The following SHROOM2 variants were observed in gnomAD, a reference collection of about 807,000 sequenced individuals.
SHROOM2 encodes protein Shroom2.
SHROOM2 carries 33 observed loss-of-function variants against 75.9 expected under a neutral mutation model. The observed-to-expected ratio is 0.43, with a 90% CI of 0.33 to 0.58. The LOEUF is 0.58. Among genes scored for constraint, SHROOM2 ranks in the 20% least tolerant of loss-of-function variants. The pLI, the probability that SHROOM2 is intolerant of heterozygous loss-of-function variation, is 0.04. For missense variants in SHROOM2, 1,434 were observed against 1,461.2 expected (o/e 0.98, Z 0.30); for synonymous variants, 655 against 663.6 (o/e 0.99, Z 0.20).
chrX:9,910,042 C>G (rs1391308260), intron 5 of SHROOM2, among the ~76,000 whole-genome samples: 1 of 110,237 alleles, frequency 9.1e-6, no homozygotes, highest in Non-Finnish European at 1.9e-5. Context: ...CTCATCACCT[C>G]CCAGAGGCCC....
chrX:9,813,232 G>A (rs1337589061), intron 1 of SHROOM2, among the ~76,000 whole-genome samples: 2 of 111,717 alleles, frequency 1.8e-5, no homozygotes, highest in African/African-American at 6.5e-5. Flanking sequence ...CAATGTGGGG[G>A]TTCTGCCAGC....
intron 8 of SHROOM2, among the ~76,000 whole-genome samples, chrX:9,941,741 G>A (rs1262526839): frequency 9.1e-6 from 1 of 109,934 alleles, no homozygotes; most frequent in Non-Finnish European, 1.9e-5. Context: ...GGAGGCCGAG[G>A]TGGGCGGATC....
At chrX:9,907,467 G>A (rs1173164064) in intron 5 of SHROOM2, among the ~76,000 whole-genome samples, 2 of 111,036 alleles carry the variant, frequency 1.8e-5, no homozygotes, top group South Asian at 3.8e-4. Flanking sequence ...GATCACTTCC[G>A]GAATCATCTG....
In SHROOM2 at chrX:9,838,591, G is replaced by C. The variant is rs1335971443; in HGVS notation, c.166-35061G>C. ...CGAACTCATCATAGTATGTCGTATA[G>C]CCTTTGTTTCTTCTCAAAACTTTTA... is the stretch of plus-strand genomic sequence containing the variant. On this transcript the variant is annotated intron_variant, in intron 1 of 9. Coordinates refer to ENST00000380913, the MANE Select transcript of SHROOM2 (RefSeq NM_001649.4). 2.7e-5 allele frequency among the ~76,000 whole-genome samples: 3 copies of C among 111,791 alleles called. No individual in the cohort carries two copies. In the East Asian group the frequency reaches 8.4e-4, roughly 31 times the overall value.
intron 1 of SHROOM2, among the ~76,000 whole-genome samples, chrX:9,866,008 C>G (rs1273479812): frequency 9.1e-6 from 1 of 109,472 alleles, no homozygotes. Context: ...GCCTGCTGCC[C>G]AAAAGCCTTA....
Position 9,932,364 on chromosome X carries a change from A to C in SHROOM2, c.3081A>C (p.Pro1027=). The C allele has an allele frequency of 3.3e-6, 4 of 1,210,299 alleles. No homozygotes were observed. Among genetic ancestry groups the C allele is most frequent in the Non-Finnish European group, 3.4e-6 (3 of 894,722 alleles). Residue 1027 remains proline (P), a synonymous_variant, in exon 6 of 10, where the codon CCA becomes CCC. Coordinates refer to ENST00000380913, the MANE Select transcript of SHROOM2 (RefSeq NM_001649.4). ...RDYRYSEEST[P]ADLGPRAQSP... is the part of the protein sequence containing the mutation. ...ATAGATACTCGGAGGAGAGCACCCC[A>C]GCAGACTTGGGACCCCGAGCCCAGA... is the stretch of plus-strand genomic sequence containing the variant.
At chrX:9,849,592 C>G (rs1183682467) in intron 1 of SHROOM2, among the ~76,000 whole-genome samples, 1 of 111,452 alleles carries the variant, frequency 9.0e-6, no homozygotes, top group Non-Finnish European at 1.9e-5. Context: ...TACACGTCGC[C>G]TTAGAGCATG....
rs1399308608 is a variant in SHROOM2, at chrX:9,944,625, A to G, written c.4312-16A>G. On this transcript the variant is annotated splice_polypyrimidine_tract_variant and intron_variant, in intron 8 of 9. Transcript: ENST00000380913. ...ACCAGTGTCTCCGTGTTCCCTTGCC[A>G]TCCCGTGCCCAACAGCAGGAGCTCA... 2 of 1,195,283 alleles carry G rather than the reference A, an allele frequency of 1.7e-6. No homozygotes were observed. The highest frequency in any genetic ancestry group is 4.4e-5 in the Admixed American group (2 of 44,967).
At position 9,944,794 on chromosome X, in the gene SHROOM2, C is replaced by T. The variant is rs771051088; in HGVS notation, c.4465C>T (p.Arg1489Trp). 1 of 1,212,316 alleles carries T rather than the reference C, an allele frequency of 8.2e-7. No individual in the cohort carries two copies. The highest frequency in any genetic ancestry group is 3.0e-5 in the East Asian group (1 of 33,859). ...CAAGCCCAGCGAGTTTGACAAGTTCCGGATGTTCATTGGAGACCTGGACAA... is the reference window on the plus strand; with the variant it reads ...CAAGCCCAGCGAGTTTGACAAGTTCTGGATGTTCATTGGAGACCTGGACAA... Reference protein sequence around the residue: ...VCKPSEFDKFRMFIGDLDKVV... With the variant: ...VCKPSEFDKFWMFIGDLDKVV... Residue 1489 changes from arginine to tryptophan, a missense_variant, in exon 9 of 10, where the codon CGG (arginine) becomes TGG (tryptophan). Physicochemically the swap from Arg to Trp is moderately radical, Grantham distance 101. Coordinates refer to ENST00000380913, the MANE Select transcript of SHROOM2 (RefSeq NM_001649.4).
At position 9,946,651 on chromosome X, in the gene SHROOM2, G is replaced by T. The variant is rs144083744; in HGVS notation, c.4585-20G>T. The T allele has an allele frequency of 1.7e-6, 2 of 1,197,461 alleles. No homozygotes were observed. Among genetic ancestry groups the T allele is most frequent in the Non-Finnish European group, 2.3e-6 (2 of 887,872 alleles). ...CAGCTTTCATCCTGGTCCTCAACAG[G>T]CTTGTTTGTCTGTCAACAGCAATCA... On this transcript the variant is annotated intron_variant, in intron 9 of 9. Coordinates refer to ENST00000380913, the MANE Select transcript of SHROOM2 (RefSeq NM_001649.4).
At chrX:9,933,451 T>A (rs1426338384) in intron 6 of SHROOM2, among the ~76,000 whole-genome samples, 4 of 111,846 alleles carry the variant, frequency 3.6e-5, no homozygotes, top group Admixed American at 9.5e-5. Flanking sequence ...GAGATGCTGA[T>A]GAATGTTAGG....
intron 1 of SHROOM2, among the ~76,000 whole-genome samples, chrX:9,856,443 A>T (rs773386271): frequency 8.9e-6 from 1 of 111,900 alleles, no homozygotes; most frequent in African/African-American, 3.2e-5. Context: ...TGGGATTGAG[A>T]TGTTTTATAT....
Position 9,792,074 on chromosome X carries a change from TA to T in SHROOM2, c.165+5365del, listed in dbSNP as rs1569133051. ...TAGAATAGAATAGAATAGAATAGAA[TA>T]GAATAGAATAGAATAGAATAGAATA... On this transcript the variant is annotated intron_variant, in intron 1 of 9. Coordinates refer to ENST00000380913, the MANE Select transcript of SHROOM2 (RefSeq NM_001649.4). 1.4e-3 allele frequency among the ~76,000 whole-genome samples: 13 copies of T among 9,095 alleles called. 2 individuals carry two copies. Among genetic ancestry groups the T allele is most frequent in the African/African-American group, 3.9e-3 (12 of 3,102 alleles). The allele number at this position is 9,095 out of a possible 115,157, so 7.9% of individuals were successfully genotyped here. A position where few individuals can be genotyped will look rare whatever the true frequency, so the allele number is the denominator to read the frequency against.
intron 1 of SHROOM2, among the ~76,000 whole-genome samples, chrX:9,793,430 C>G (rs1408116805): frequency 2.7e-5 from 3 of 109,834 alleles, no homozygotes; most frequent in African/African-American, 1.0e-4. Flanking sequence ...GCTGGGATTA[C>G]AGGCTCGAGC....
intron 5 of SHROOM2, chrX:9,912,573 C>G (rs1263050537): frequency 1.8e-5 from 2 of 111,627 alleles, no homozygotes; most frequent in Non-Finnish European, 3.8e-5. Context: ...GCTGGGCGAA[C>G]TCCCATCCAG....
rs747419278 is a variant in SHROOM2, at chrX:9,920,963, C to G, written c.2892-11212C>G. Reference sequence around the variant, plus strand: ...AAACATTTATTATCTCATACACTTTCTGAGGGTTAGGGAGGAGATTAGCTG... The same window carrying G: ...AAACATTTATTATCTCATACACTTTGTGAGGGTTAGGGAGGAGATTAGCTG... On this transcript the variant is annotated intron_variant, in intron 5 of 9. Transcript: ENST00000380913. Among the ~76,000 whole-genome samples the G allele has an allele frequency of 1.1e-4, 12 of 112,380 alleles. No individual in the cohort carries two copies. The South Asian group carries it at 3.6e-3, about 34-fold the overall frequency.
At chrX:9,786,828 T>C (rs2083616363) in intron 1 of SHROOM2, 118 bp downstream of exon 1, 1 of 520,390 alleles carries the variant, frequency 1.9e-6, no homozygotes, top group Non-Finnish European at 2.5e-6. Context: ...GGCGCGCGCG[T>C]CTGCTGGGGT....
At chrX:9,847,883 A>T (rs990767712) in intron 1 of SHROOM2, among the ~76,000 whole-genome samples, 13 of 111,726 alleles carry the variant, frequency 1.2e-4, no homozygotes, top group African/African-American at 3.3e-4. Context: ...CAAAGTTATC[A>T]CTTTTTTATT....
chrX:9,897,680 CAAA>C (rs56026461), intron 4 of SHROOM2, among the ~76,000 whole-genome samples: 2 of 70,610 alleles, frequency 2.8e-5, no homozygotes, highest in African/African-American at 6.0e-5. Context: ...GACCCTGTCT[CAAA>C]AAAAAAAAAA....
Sources: gnomAD v4.1 joint callset for allele counts (sites outside exome capture counted in the v4.1 genomes callset) on GRCh38, gnomAD v4.1.1 for gene constraint, MANE v1.5 for transcripts, NCBI Gene and HGNC (gene_info 2026-07-23, HGNC 2026-07-21) for gene names.